Variants in NAALADL2 observed in about 807,000 individuals in gnomAD.
NAALADL2 encodes the protein N-acetylated alpha-linked acidic dipeptidase like 2.
A neutral mutation model predicts 87.2 loss-of-function variants in NAALADL2; 76 were observed. The ratio of observed to expected loss-of-function variants is 0.87; its 90% CI spans 0.72 to 1.05. The LOEUF is 1.05. Among genes scored for constraint, NAALADL2 ranks in the 50% least tolerant of loss-of-function variants. The pLI is 0.00. For missense variants in NAALADL2, 1,089 were observed against 945.8 expected (o/e 1.15, Z -1.99); for synonymous variants, 354 against 331.0 (o/e 1.07, Z -0.75).
intron 5 of NAALADL2, among the ~76,000 whole-genome samples, chr3:175,341,319 G>C (rs545604106): frequency 6.6e-6 from 1 of 152,214 alleles, no homozygotes; most frequent in South Asian, 2.1e-4. Context: ...TCATGTTGTA[G>C]CAGGTATCAG....
At chr3:174,531,385 A>T (rs1004783213) in intron 1 of NAALADL2, among the ~76,000 whole-genome samples, 3 of 152,086 alleles carry the variant, frequency 2.0e-5, no homozygotes, top group African/African-American at 7.2e-5. Flanking sequence ...TAACTCATGT[A>T]ATCTTGTGAA....
At chr3:175,418,732 C>A (rs1370877977) in intron 5 of NAALADL2, among the ~76,000 whole-genome samples, 1 of 151,896 alleles carries the variant, frequency 6.6e-6, no homozygotes, top group African/African-American at 2.4e-5. Context: ...GGGGAGGGGG[C>A]AGATAATTGG....
chr3:175,698,637 A>G (rs1218532412), intron 11 of NAALADL2, among the ~76,000 whole-genome samples: 1 of 151,092 alleles, frequency 6.6e-6, no homozygotes, highest in African/African-American at 2.4e-5. Context: ...GATATTATAC[A>G]TTAAGAATAG....
intron 1 of NAALADL2, among the ~76,000 whole-genome samples, chr3:174,886,446 C>T (rs1241636021): frequency 6.6e-6 from 1 of 152,254 alleles, no homozygotes; most frequent in Admixed American, 6.5e-5. Context: ...TGGAAACACC[C>T]TCACAGACAC....
At chr3:174,788,592 C>A (rs1717087671) in intron 3 of NAALADL2, among the ~76,000 whole-genome samples, 1 of 152,098 alleles carries the variant, frequency 6.6e-6, no homozygotes, top group Admixed American at 6.6e-5. Flanking sequence ...ACACCCTAAC[C>A]ACTCCATTTA....
At chr3:175,390,779 C>A (rs185198531) in intron 5 of NAALADL2, among the ~76,000 whole-genome samples, 1 of 152,052 alleles carries the variant, frequency 6.6e-6, no homozygotes, top group Non-Finnish European at 1.5e-5. Flanking sequence ...AGGCAGTTAG[C>A]GGGTGCTAAA....
At chr3:175,669,680 TA>T (rs1343985130) in intron 11 of NAALADL2, among the ~76,000 whole-genome samples, 1 of 152,038 alleles carries the variant, frequency 6.6e-6, no homozygotes, top group Non-Finnish European at 1.5e-5. Context: ...GGAATGACTC[TA>T]AAGACAGTTT....
intron 1 of NAALADL2, among the ~76,000 whole-genome samples, chr3:174,502,604 A>G (rs900507756): frequency 6.6e-6 from 1 of 152,204 alleles, no homozygotes. Flanking sequence ...AGATATATGT[A>G]TATAAACCTC....
upstream of NAALADL2, among the ~76,000 whole-genome samples, chr3:174,858,204 A>G (rs1726069807): frequency 6.7e-6 from 1 of 148,306 alleles, no homozygotes; most frequent in Non-Finnish European, 1.5e-5. Context: ...ATATTAATAT[A>G]TATGAATATG....
At chr3:174,858,610 T>C (rs2109520487), upstream of NAALADL2, among the ~76,000 whole-genome samples, 1 of 152,092 alleles carries the variant, frequency 6.6e-6, no homozygotes, top group Non-Finnish European at 1.5e-5. Context: ...TGTCAGTACA[T>C]GATCTGGGAC....
intron 2 of NAALADL2, among the ~76,000 whole-genome samples, chr3:174,703,468 T>C (rs1729754189): frequency 6.6e-6 from 1 of 152,130 alleles, no homozygotes; most frequent in Non-Finnish European, 1.5e-5. Context: ...CTGACTAGTT[T>C]CCTGGGAATC....
chr3:175,784,038 T>C lies in NAALADL2; in HGVS notation c.2190-18967T>C, dbSNP rs1010098965. On this transcript the variant is annotated intron_variant, in intron 13 of 13. Coordinates refer to ENST00000454872, the MANE Select transcript of NAALADL2 (RefSeq NM_207015.3). ...TTGTGTATATTGAACCAGCCTTGCA[T>C]CCCAGGGATGAAGCCCACTTGATCA... 3.2e-3 allele frequency among the ~76,000 whole-genome samples: 466 copies of C among 147,624 alleles called. 2 individuals are homozygous for C. Among genetic ancestry groups the C allele is most frequent in the African/African-American group, 0.011 (441 of 38,824 alleles).
At chr3:175,602,558 A>G (rs1260458589) in intron 10 of NAALADL2, among the ~76,000 whole-genome samples, 2 of 152,022 alleles carry the variant, frequency 1.3e-5, no homozygotes, top group East Asian at 1.9e-4. Context: ...ATATGTCCCA[A>G]TAAAGCCAAT....
intron 2 of NAALADL2, among the ~76,000 whole-genome samples, chr3:175,106,543 C>A (rs150015576): frequency 0.015 from 2,255 of 152,128 alleles, 28 homozygotes; most frequent in Middle Eastern, 0.027. Context: ...AAGGGAATAA[C>A]AAATGTTTTA....
chr3:175,779,865 CTT>C (rs780091082), intron 13 of NAALADL2, among the ~76,000 whole-genome samples: 2 of 152,038 alleles, frequency 1.3e-5, no homozygotes, highest in Non-Finnish European at 2.9e-5. Flanking sequence ...TGTGGAATGT[CTT>C]TTATTCTTAC....
chr3:174,868,878 A>G (rs1727467080), intron 1 of NAALADL2, among the ~76,000 whole-genome samples: 1 of 152,106 alleles, frequency 6.6e-6, no homozygotes. Context: ...AAGCTTTAGG[A>G]GTTATTAAGG....
rs527915571 is a variant in NAALADL2 at position 175,269,524 on chromosome 3, C to T, written c.939+12994C>T. 2.2e-4 allele frequency among the ~76,000 whole-genome samples: 34 copies of T among 152,292 alleles called. No homozygotes were observed. In the South Asian group the frequency reaches 6.8e-3, roughly 31 times the overall value. On this transcript the variant is annotated intron_variant, in intron 4 of 13. Coordinates refer to ENST00000454872, the MANE Select transcript of NAALADL2 (RefSeq NM_207015.3). ...AATCTTACGTGACCGCTGTTGTGTA[C>T]GGGATCATTCCTTGACCAAAATGAC...
intron 5 of NAALADL2, among the ~76,000 whole-genome samples, chr3:175,417,013 ATTGT>A (rs1714759242): frequency 6.6e-6 from 1 of 151,156 alleles, no homozygotes; most frequent in Non-Finnish European, 1.5e-5. Flanking sequence ...GCACTAAGCA[ATTGT>A]TTATGATATA....
At position 175,706,099 on chromosome 3, in the gene NAALADL2, G is replaced by A. The variant is rs192476676; in HGVS notation, c.1897-31207G>A. Among the ~76,000 whole-genome samples, 8 of 152,226 alleles carry A rather than the reference G, an allele frequency of 5.3e-5. No homozygotes were observed. In the East Asian group the frequency reaches 1.5e-3, roughly 29 times the overall value. The stretch of plus-strand genomic sequence containing the variant: ...GACAAAATAGACCATGAAGCAGCAT[G>A]AAGAAGAAACAAGGAGTGAATGGGA... On this transcript the variant is annotated intron_variant, in intron 11 of 13. Transcript: ENST00000454872.
Sources: allele counts gnomAD v4.1 joint callset (sites outside exome capture counted in the v4.1 genomes callset), GRCh38; gene constraint gnomAD v4.1.1; transcripts MANE v1.5; gene names NCBI Gene and HGNC (gene_info 2026-07-23, HGNC 2026-07-21).